The following CCDC171 variants were observed in gnomAD, a reference collection of about 807,000 sequenced individuals.
CCDC171 encodes the protein coiled-coil domain-containing protein 171.
Under a neutral mutation model 168.2 loss-of-function variants are expected in CCDC171, and 177 were observed. That is an observed-to-expected ratio of 1.05 (90% confidence interval 0.93 to 1.19). The LOEUF is 1.19. CCDC171 is among the 50% of genes most tolerant of loss of function. CCDC171 has a pLI of 0.00. For missense variants in CCDC171, 1,991 were observed against 1,539.0 expected (o/e 1.29, Z -4.91); for synonymous variants, 687 against 540.8 (o/e 1.27, Z -3.75).
chr9:15,729,534 G>A, intron 15 of CCDC171, 76 bp from the exon 16 acceptor site: 2 of 810,468 alleles, frequency 2.5e-6, no homozygotes, highest in Non-Finnish European at 3.8e-6. Context: ...GACATTTTGG[G>A]TATTTTATTG....
At chr9:15,804,140 T>G (rs2058962837) in intron 21 of CCDC171, among the ~76,000 whole-genome samples, 1 of 152,154 alleles carries the variant, frequency 6.6e-6, no homozygotes, top group Admixed American at 6.5e-5. Flanking sequence ...GCTGTGATGA[T>G]GGGGTTTTCT....
chr9:16,083,335 T>G, the CCDC171 span, among the ~76,000 whole-genome samples: 1 of 152,162 alleles, frequency 6.6e-6, no homozygotes, highest in African/African-American at 2.4e-5. Flanking sequence ...CCAAGGTCAC[T>G]CAGTGAAAAA....
chr9:15,636,948 A>C (rs956202549), intron 7 of CCDC171, among the ~76,000 whole-genome samples: 3 of 151,630 alleles, frequency 2.0e-5, no homozygotes, highest in African/African-American at 7.3e-5. Flanking sequence ...TTGGTAAGGC[A>C]GTTTTGACTC....
intron 21 of CCDC171, among the ~76,000 whole-genome samples, 156 bp downstream of exon 21, chr9:15,784,850 A>C (rs955593080): frequency 9.2e-5 from 14 of 152,288 alleles, no homozygotes; most frequent in Middle Eastern, 3.4e-3. Context: ...CCTCAGTTAT[A>C]AGCCTGCATT....
chr9:15,562,212 T>A (rs972032018), intron 1 of CCDC171, among the ~76,000 whole-genome samples: 2 of 152,054 alleles, frequency 1.3e-5, no homozygotes, highest in Non-Finnish European at 2.9e-5. Flanking sequence ...GCCAGACTGG[T>A]CTCTACCTCC....
intron 23 of CCDC171, among the ~76,000 whole-genome samples, chr9:15,856,284 T>C (rs2061346085): frequency 6.6e-6 from 1 of 151,982 alleles, no homozygotes; most frequent in South Asian, 2.1e-4. Flanking sequence ...TCAGAACTTA[T>C]CCATCTGGCA....
intron 2 of CCDC171, among the ~76,000 whole-genome samples, chr9:15,567,015 G>C (rs1587002928): frequency 6.9e-6 from 1 of 145,662 alleles, no homozygotes; most frequent in Non-Finnish European, 1.5e-5. Flanking sequence ...CTGATATATT[G>C]ATCTACATGT....
chr9:15,715,029 T>C (rs1284397146), intron 11 of CCDC171, among the ~76,000 whole-genome samples: 2 of 152,218 alleles, frequency 1.3e-5, no homozygotes, highest in African/African-American at 4.8e-5. Context: ...TTACCCAAGA[T>C]CCAATCACTT....
chr9:16,023,025 C>T (rs769766033), intron 6 of CCDC171: 1 of 152,192 alleles, frequency 6.6e-6, no homozygotes, highest in African/African-American at 2.4e-5. Context: ...TGCCACAGAA[C>T]CCAAGTTCTG....
intron 7 of CCDC171, among the ~76,000 whole-genome samples, chr9:15,656,879 A>C (rs749715651): frequency 1.3e-5 from 2 of 152,058 alleles, no homozygotes; most frequent in African/African-American, 4.8e-5. Context: ...ATTTATCAAA[A>C]AGTATATTTT....
chr9:15,799,337 G>T (rs2058709682), intron 21 of CCDC171, among the ~76,000 whole-genome samples: 1 of 150,896 alleles, frequency 6.6e-6, no homozygotes, highest in African/African-American at 2.4e-5. Context: ...TAAATATGTT[G>T]TTCCCTTCTC....
chr9:15,797,241 A>C (rs934769419), intron 21 of CCDC171, among the ~76,000 whole-genome samples: 8 of 152,194 alleles, frequency 5.3e-5, no homozygotes, highest in East Asian at 1.9e-4. Context: ...TTTTGAGACA[A>C]GGTCTCCCTT....
intron 18 of CCDC171, among the ~76,000 whole-genome samples, chr9:15,774,246 TAAA>T (rs56239417): frequency 0.34 from 12,660 of 37,714 alleles, 2,127 homozygotes; most frequent in East Asian, 0.44. Flanking sequence ...ACGCTGTCTT[TAAA>T]AAAAAAAAAA....
chr9:15,730,530 GA>G (rs963850377), intron 16 of CCDC171, among the ~76,000 whole-genome samples: 1 of 151,806 alleles, frequency 6.6e-6, no homozygotes, highest in Admixed American at 6.6e-5. Context: ...TTAGGAACCA[GA>G]AGGTTGTATA....
rs1483868691 is a variant in CCDC171 at position 15,973,245 on chromosome 9, T to C, written c.*1409T>C. 1.3e-5 allele frequency: 2 copies of C among 152,216 alleles called. No homozygotes were observed. The highest frequency in any genetic ancestry group is 4.8e-5 in the African/African-American group (2 of 41,466). The allele number at this position is 152,216 out of a possible 1,614,324, so 9.4% of individuals were successfully genotyped here. ...GAGTCTTGATACATAATCTATTTTTTATATTATTTTTCATTATGGAATCTT... is the reference window on the plus strand; with the variant it reads ...GAGTCTTGATACATAATCTATTTTTCATATTATTTTTCATTATGGAATCTT... On this transcript the variant is annotated 3_prime_UTR_variant, in exon 26 of 26. Transcript: ENST00000380701.
chr9:15,948,886 A>C (rs1828753060), intron 25 of CCDC171, among the ~76,000 whole-genome samples: 1 of 151,982 alleles, frequency 6.6e-6, no homozygotes, highest in African/African-American at 2.4e-5. Context: ...TTTAGACATG[A>C]AGTCCTTGCC....
At chr9:15,670,403 T>C (rs1456371960) in intron 9 of CCDC171, among the ~76,000 whole-genome samples, 2 of 152,212 alleles carry the variant, frequency 1.3e-5, no homozygotes, top group Admixed American at 1.3e-4. Context: ...AAAATGGTAC[T>C]GTTAGGCTCA....
At chr9:15,692,914 A>G (rs200098582) in intron 10 of CCDC171, among the ~76,000 whole-genome samples, 2 of 151,870 alleles carry the variant, frequency 1.3e-5, no homozygotes, top group Non-Finnish European at 2.9e-5. Context: ...AGACGGGTGG[A>G]TCACTTGAGG....
chr9:15,691,241 A>C (rs901582708), intron 10 of CCDC171, among the ~76,000 whole-genome samples: 1 of 152,056 alleles, frequency 6.6e-6, no homozygotes, highest in African/African-American at 2.4e-5. Flanking sequence ...TTTATGGTAC[A>C]TCTGACCAAT....
Sources: gnomAD v4.1 joint callset for allele counts (sites outside exome capture counted in the v4.1 genomes callset) on GRCh38, gnomAD v4.1.1 for gene constraint, MANE v1.5 for transcripts, NCBI Gene and HGNC (gene_info 2026-07-23, HGNC 2026-07-21) for gene names.